Variants in ARHGAP35 observed in about 807,000 individuals in gnomAD.
The protein encoded by ARHGAP35 is Rho GTPase activating protein 35.
Under a neutral mutation model 111.1 loss-of-function variants are expected in ARHGAP35, and 15 were observed. The ratio of observed to expected loss-of-function variants is 0.13; its 90% CI spans 0.09 to 0.21. The LOEUF (loss-of-function observed/expected upper bound fraction) is 0.21. Among genes scored for constraint, ARHGAP35 ranks in the 10% least tolerant of loss-of-function variants. The pLI, the probability that ARHGAP35 is intolerant of heterozygous loss-of-function variation, is 1.00. For synonymous variants in ARHGAP35, 643 were observed against 710.3 expected (o/e 0.91, Z 1.51); for missense variants, 1,262 against 1,873.0 (o/e 0.67, Z 6.02).
intron 1 of ARHGAP35, among the ~76,000 whole-genome samples, chr19:46,896,830 T>A (rs1396283583): frequency 6.6e-6 from 1 of 152,168 alleles, no homozygotes; most frequent in Non-Finnish European, 1.5e-5. Flanking sequence ...ATGGTAAGGT[T>A]TTTAGAAGTA....
In ARHGAP35 at chr19:46,919,824, T is replaced by C. The variant is rs1163662370; in HGVS notation, c.1149T>C (p.Leu383=). ...KPEFLKWFVV[L]EETPWDATSH... Reference sequence around the variant, plus strand: ...AATTCTTGAAGTGGTTTGTTGTGCTTGAAGAGACCCCATGGGATGCCACCA... The same window carrying C: ...AATTCTTGAAGTGGTTTGTTGTGCTCGAAGAGACCCCATGGGATGCCACCA... The change falls in exon 2 of 7, where the codon CTT becomes CTC. Residue 383 remains leucine, a synonymous_variant. Coordinates refer to ENST00000672722, the MANE Select transcript of ARHGAP35 (RefSeq NM_004491.5). The surrounding 1 kb of genome is among the most constrained non-coding windows in gnomAD (Gnocchi z 6.2). The C allele has an allele frequency of 1.2e-6, 2 of 1,613,882 alleles. No homozygotes were observed. The highest frequency in any genetic ancestry group is 2.7e-5 in the African/African-American group (2 of 74,904).
rs1474038365 is a variant in ARHGAP35 at position 46,999,763 on chromosome 19, C to G, written c.4142+354C>G. 1 of 264,500 alleles carries G rather than the reference C, an allele frequency of 3.8e-6. No homozygotes were observed. The highest frequency in any genetic ancestry group is 7.5e-5 in the East Asian group (1 of 13,376). The allele number at this position is 264,500 out of a possible 1,614,324, so 16.4% of individuals were successfully genotyped here. ...TGGTTGGTACTGATGCTCCAGAAAT[C>G]TTCTCCTGAATCAAAAACACCTCAG... On this transcript the variant is annotated intron_variant, in intron 6 of 6. Coordinates refer to ENST00000672722, the MANE Select transcript of ARHGAP35 (RefSeq NM_004491.5). The surrounding 1 kb of genome is among the most constrained non-coding windows in gnomAD (Gnocchi z 5.4).
chr19:46,922,388 T>G lies in ARHGAP35; in HGVS notation c.3681+32T>G, dbSNP rs2056208619. 1 of 1,510,864 alleles carries G rather than the reference T, an allele frequency of 6.6e-7. No individual in the cohort carries two copies. Among genetic ancestry groups the G allele is most frequent in the South Asian group, 1.3e-5 (1 of 74,878 alleles). The allele number at this position is 1,510,864 out of a possible 1,614,324, so 93.6% of individuals were successfully genotyped here. ...CACCAGTCTAGGATTAGTCATAGTG[T>G]TTTGTACAGCGTCTCGGTGAGGGTT... On this transcript the variant is annotated intron_variant, in intron 2 of 6. Coordinates refer to ENST00000672722, the MANE Select transcript of ARHGAP35 (RefSeq NM_004491.5). The surrounding 1 kb of genome is among the most constrained non-coding windows in gnomAD (Gnocchi z 4.0).
intron 3 of ARHGAP35, among the ~76,000 whole-genome samples, chr19:46,985,710 T>A (rs150559224): frequency 1.7e-3 from 259 of 152,262 alleles, no homozygotes; most frequent in African/African-American, 6.0e-3. Context: ...GCCAGCACTC[T>A]CCCAGGCGAG....
intron 1 of ARHGAP35, among the ~76,000 whole-genome samples, chr19:46,911,727 A>T (rs1599812402): frequency 1.3e-5 from 2 of 152,306 alleles, no homozygotes; most frequent in Middle Eastern, 3.4e-3. Flanking sequence ...AATGCCCTCT[A>T]TGTCTCACTC....
At chr19:46,997,907 C>G (rs1257281747) in intron 5 of ARHGAP35, among the ~76,000 whole-genome samples, 1 of 152,108 alleles carries the variant, frequency 6.6e-6, no homozygotes, top group Non-Finnish European at 1.5e-5. Flanking sequence ...TCGAGACCAT[C>G]CTAGCTAACA....
chr19:46,875,677 A>G lies in ARHGAP35; in HGVS notation c.-189+14468A>G, dbSNP rs142688841. On this transcript the variant is annotated intron_variant, in intron 1 of 6. Coordinates refer to ENST00000672722, the MANE Select transcript of ARHGAP35 (RefSeq NM_004491.5). ...TTTTATTTTTTGAGAACTAAATACC[A>G]TAACGCTAAAGTTGGTAACCTTTGA... is the stretch of plus-strand genomic sequence containing the variant. Among the ~76,000 whole-genome samples, 417 of 152,264 alleles carry G rather than the reference A, an allele frequency of 2.7e-3. 3 individuals are homozygous for G. The highest frequency in any genetic ancestry group is 9.6e-3 in the African/African-American group (398 of 41,510).
chr19:46,940,939 T>C, intron 3 of ARHGAP35, among the ~76,000 whole-genome samples: 1 of 152,154 alleles, frequency 6.6e-6, no homozygotes, highest in Non-Finnish European at 1.5e-5. Flanking sequence ...AAACCCATCC[T>C]TGCTTCTTTG....
At position 46,897,681 on chromosome 19, in the gene ARHGAP35, G is replaced by A. The variant is rs191566987; in HGVS notation, c.-188-20807G>A. On this transcript the variant is annotated intron_variant, in intron 1 of 6. Coordinates refer to ENST00000672722, the MANE Select transcript of ARHGAP35 (RefSeq NM_004491.5). ...GCAGTTTTTGTAATGGGATTTTCAG[G>A]CTAGATCTTTAACCAAAAAAAAAAA... Among the ~76,000 whole-genome samples, 133 of 137,602 alleles carry A rather than the reference G, an allele frequency of 9.7e-4. 4 individuals are homozygous for A. Among genetic ancestry groups the A allele is most frequent in the Admixed American group, 9.0e-3 (122 of 13,536 alleles). 90.3% of individuals were successfully genotyped at this position (137,602 alleles called of 152,430 possible).
intron 3 of ARHGAP35, among the ~76,000 whole-genome samples, chr19:46,968,382 G>A (rs746891124): frequency 6.6e-6 from 1 of 152,190 alleles, no homozygotes; most frequent in Non-Finnish European, 1.5e-5. Context: ...AGCAGAGCAG[G>A]AGGGAAGAAA....
rs1454966139 is a variant in ARHGAP35 at position 46,945,280 on chromosome 19, T to C, written c.3826+7872T>C. On this transcript the variant is annotated intron_variant, in intron 3 of 6. Transcript: ENST00000672722. The surrounding 1 kb of genome is among the most constrained non-coding windows in gnomAD (Gnocchi z 4.1). ...TCCAGTTTTCATCTTTGTGGAAAAT[T>C]GGTTGAGGCAATGGAGTCACTGCTC... Among the ~76,000 whole-genome samples, 1 of 152,138 alleles carries C rather than the reference T, an allele frequency of 6.6e-6. No homozygotes were observed. The highest frequency in any genetic ancestry group is 6.5e-5 in the Admixed American group (1 of 15,276).
chr19:46,942,182 A>G (rs948376729), intron 3 of ARHGAP35, among the ~76,000 whole-genome samples: 2 of 152,248 alleles, frequency 1.3e-5, no homozygotes, highest in African/African-American at 4.8e-5. Flanking sequence ...GAGGAACTCA[A>G]AGATTCGTGA....
At chr19:46,987,218 CTTTTTT>C (rs370500363) in intron 3 of ARHGAP35, among the ~76,000 whole-genome samples, 32 of 115,598 alleles carry the variant, frequency 2.8e-4, no homozygotes, top group African/African-American at 1.0e-3. Context: ...TCTTTTTTTT[CTTTTTT>C]TTTTTTTTTT....
Position 46,918,071 on chromosome 19 carries a change from G to C in ARHGAP35, c.-188-417G>C, listed in dbSNP as rs550012047. Among the ~76,000 whole-genome samples, 1 of 152,134 alleles carries C rather than the reference G, an allele frequency of 6.6e-6. No individual in the cohort carries two copies. Among genetic ancestry groups the C allele is most frequent in the Non-Finnish European group, 1.5e-5 (1 of 68,032 alleles). On this transcript the variant is annotated intron_variant, in intron 1 of 6. Coordinates refer to ENST00000672722, the MANE Select transcript of ARHGAP35 (RefSeq NM_004491.5). This position sits in a 1 kb window ranked among gnomAD's most constrained non-coding sequence, Gnocchi z 5.4. ...CATTACCATACTTAATTATTGTGGC[G>C]CTCAAATTGTCCCAGAGTTGGCCAG...
At chr19:46,990,349 C>T (rs546013567) in intron 5 of ARHGAP35, among the ~76,000 whole-genome samples, 1 of 152,356 alleles carries the variant, frequency 6.6e-6, no homozygotes, top group African/African-American at 2.4e-5. Flanking sequence ...TCCAGATGGG[C>T]GAGCCTTCTC....
Position 47,001,121 on chromosome 19 carries a change from G to T in ARHGAP35, c.*433G>T. On this transcript the variant is annotated 3_prime_UTR_variant, in exon 7 of 7. Transcript: ENST00000672722. This position sits in a 1 kb window ranked among gnomAD's most constrained non-coding sequence, Gnocchi z 5.4. ...CCCCTGAAGAGAACACTTCCTGTTG[G>T]TCTGTCTCTTCCCACCTTCCATCTG... 1 of 1,237,716 alleles carries T rather than the reference G, an allele frequency of 8.1e-7. No homozygotes were observed. Among genetic ancestry groups the T allele is most frequent in the Non-Finnish European group, 1.0e-6 (1 of 967,754 alleles). 76.7% of individuals were successfully genotyped at this position (1,237,716 alleles called of 1,614,324 possible). A position where few individuals can be genotyped will look rare whatever the true frequency, so the allele number is the denominator to read the frequency against.
chr19:46,902,033 G>C (rs1432340627), intron 1 of ARHGAP35, among the ~76,000 whole-genome samples: 1 of 152,160 alleles, frequency 6.6e-6, no homozygotes, highest in Non-Finnish European at 1.5e-5. Flanking sequence ...TGAATCACTT[G>C]TTGGCACTGT....
chr19:46,899,107 C>T (rs1468122693), intron 1 of ARHGAP35, among the ~76,000 whole-genome samples: 1 of 152,048 alleles, frequency 6.6e-6, no homozygotes, highest in African/African-American at 2.4e-5. Context: ...TAGAAGGGCG[C>T]GTTTGACCAA....
intron 3 of ARHGAP35, among the ~76,000 whole-genome samples, chr19:46,943,846 G>A (rs764548459): frequency 3.3e-5 from 5 of 152,202 alleles, no homozygotes; most frequent in Non-Finnish European, 7.3e-5. Context: ...GGCCTTTGAT[G>A]CTGCCCACTC....
Sources: gnomAD v4.1 joint callset for allele counts (sites outside exome capture counted in the v4.1 genomes callset) on GRCh38, gnomAD v4.1.1 for gene constraint, Gnocchi (gnomAD v3.1) non-coding constraint, MANE v1.5 for transcripts, NCBI Gene and HGNC (gene_info 2026-07-23, HGNC 2026-07-21) for gene names.